Variants in PLCL2 observed in about 807,000 individuals in gnomAD.
The protein encoded by PLCL2 is inactive phospholipase C-like protein 2.
In PLCL2, 4 loss-of-function variants were observed where a neutral mutation model predicts 79.6. The observed-to-expected ratio is 0.05, with a 90% confidence interval of 0.02 to 0.11. The LOEUF (loss-of-function observed/expected upper bound fraction) is 0.11, where lower values mean the gene tolerates loss of function less well. Among genes scored for constraint, PLCL2 ranks in the 10% least tolerant of loss-of-function variants. The pLI, the probability that PLCL2 is intolerant of heterozygous loss-of-function variation, is 1.00. For missense variants in PLCL2, 895 were observed against 1,291.0 expected, an observed-to-expected ratio of 0.69 and a Z score of 4.70; for synonymous variants, 484 against 457.7, an observed-to-expected ratio of 1.06 and a Z score of -0.73.
chr3:16,946,266 C>T (rs897447354), intron 1 of PLCL2, among the ~76,000 whole-genome samples: 1 of 152,118 alleles, frequency 6.6e-6, no homozygotes, highest in Non-Finnish European at 1.5e-5. Flanking sequence ...TGTTCACCAG[C>T]TTTCCCAGTG....
rs144033958 is a variant in PLCL2, at chr3:16,887,310, C to T, written c.327+1944C>T. ...CAGTGTAACCCTAGATATAAAGTGC[C>T]AGGAATGTAGTAGCAGCTCAATAAA... is the stretch of plus-strand genomic sequence containing the variant. On this transcript the variant is annotated intron_variant, in intron 1 of 5. Coordinates refer to ENST00000615277, the MANE Select transcript of PLCL2 (RefSeq NM_001144382.2). The surrounding 1 kb of genome is among the most constrained non-coding windows in gnomAD (Gnocchi z 4.1). Among the ~76,000 whole-genome samples, 221 of 152,222 alleles carry T rather than the reference C, an allele frequency of 1.5e-3. 2 individuals carry two copies. Among genetic ancestry groups the T allele is most frequent in the African/African-American group, 5.2e-3 (216 of 41,530 alleles).
rs572799899 is a variant in PLCL2 at position 17,055,507 on chromosome 3, C to A, written c.3095-12449C>A. ...CACCACACCTCAACCGTCCCTGTAA[C>A]CTTCACCCTAATTCTGCTCTAAGAT... On this transcript the variant is annotated intron_variant, in intron 4 of 5. Transcript: ENST00000615277. 9.9e-5 allele frequency among the ~76,000 whole-genome samples: 15 copies of A among 152,278 alleles called. No individual in the cohort carries two copies. The East Asian group carries it at 1.3e-3, about 14-fold the overall frequency.
intron 1 of PLCL2, among the ~76,000 whole-genome samples, chr3:17,000,886 A>G (rs2064203164): frequency 6.6e-6 from 1 of 152,130 alleles, no homozygotes; most frequent in African/African-American, 2.4e-5. Context: ...ATAAACATGG[A>G]TGTGCCGGTA....
intron 1 of PLCL2, among the ~76,000 whole-genome samples, chr3:16,961,661 G>A (rs755525958): frequency 2.6e-5 from 4 of 152,182 alleles, no homozygotes; most frequent in Non-Finnish European, 5.9e-5. Flanking sequence ...CAACCAGAAT[G>A]GGACGCAGAA....
At chr3:16,978,593 C>T (rs2063949332) in intron 1 of PLCL2, among the ~76,000 whole-genome samples, 1 of 152,190 alleles carries the variant, frequency 6.6e-6, no homozygotes, top group Non-Finnish European at 1.5e-5. Context: ...GATATCACCA[C>T]TGAAAGGGAG....
At chr3:16,963,551 T>G (rs1383224026) in intron 1 of PLCL2, among the ~76,000 whole-genome samples, 2 of 152,314 alleles carry the variant, frequency 1.3e-5, no homozygotes, top group South Asian at 2.1e-4. Context: ...TTTATGACTT[T>G]AGATTAAAAT....
intron 3 of PLCL2, among the ~76,000 whole-genome samples, chr3:17,015,744 G>A (rs116383173): frequency 3.5e-3 from 530 of 152,276 alleles, no homozygotes; most frequent in Non-Finnish European, 6.4e-3. Context: ...CTAAGACCAC[G>A]AAACTCTAGG....
intron 1 of PLCL2, among the ~76,000 whole-genome samples, chr3:16,922,743 AT>A (rs946486115): frequency 8.1e-5 from 12 of 147,454 alleles, no homozygotes; most frequent in Non-Finnish European, 1.8e-4. Flanking sequence ...TTAAGAAAAA[AT>A]ATATTAAGAA....
chr3:16,979,360 A>AAATTG (rs2063957538), intron 1 of PLCL2, among the ~76,000 whole-genome samples: 1 of 139,314 alleles, frequency 7.2e-6, no homozygotes, highest in South Asian at 2.3e-4. Flanking sequence ...TTTTTTTTTT[A>AAATTG]ATCATTCTTG....
chr3:16,967,911 C>A (rs1377590209), intron 1 of PLCL2, among the ~76,000 whole-genome samples: 2 of 152,070 alleles, frequency 1.3e-5, no homozygotes, highest in Admixed American at 6.6e-5. Flanking sequence ...ACATTTAAGT[C>A]TTTAGTCCAT....
chr3:17,055,614 C>T (rs996983323), intron 4 of PLCL2, among the ~76,000 whole-genome samples: 1 of 152,152 alleles, frequency 6.6e-6, no homozygotes, highest in Non-Finnish European at 1.5e-5. Flanking sequence ...ATTTTTCATA[C>T]GTGTGATCAG....
chr3:17,061,359 A>T (rs2064951987), intron 4 of PLCL2, among the ~76,000 whole-genome samples: 1 of 152,190 alleles, frequency 6.6e-6, no homozygotes, highest in Non-Finnish European at 1.5e-5. Context: ...GGAAGCAGAA[A>T]ACTTGATAGA....
At position 16,926,614 on chromosome 3, in the gene PLCL2, A is replaced by G. The variant is rs976168899; in HGVS notation, c.327+41248A>G. Among the ~76,000 whole-genome samples, 5 of 152,254 alleles carry G rather than the reference A, an allele frequency of 3.3e-5. No individual in the cohort carries two copies. In the East Asian group the frequency reaches 9.7e-4, roughly 29 times the overall value. On this transcript the variant is annotated intron_variant, in intron 1 of 5. Transcript: ENST00000615277. ...AGTGATCAGATTTTTCATCTAGCAA[A>G]CAAAATCATTTATAATCAAAACCTT...
At chr3:16,990,011 C>T (rs1038654211) in intron 1 of PLCL2, among the ~76,000 whole-genome samples, 4 of 152,022 alleles carry the variant, frequency 2.6e-5, no homozygotes, top group Non-Finnish European at 4.4e-5. Flanking sequence ...GTCAAGGAAG[C>T]GTATCTGAGA....
At chr3:17,084,687 G>C (rs1450389457) in intron 5 of PLCL2, among the ~76,000 whole-genome samples, 1 of 152,176 alleles carries the variant, frequency 6.6e-6, no homozygotes, top group Non-Finnish European at 1.5e-5. Flanking sequence ...GCTCGTGGTT[G>C]TATCAGTAGA....
At position 17,065,123 on chromosome 3, in the gene PLCL2, A is replaced by G. The variant is rs146753490; in HGVS notation, c.3095-2833A>G. Among the ~76,000 whole-genome samples, 765 of 152,268 alleles carry G rather than the reference A, an allele frequency of 5.0e-3. 5 individuals carry two copies. Among genetic ancestry groups the G allele is most frequent in the African/African-American group, 0.017 (712 of 41,542 alleles). ...TGTTTTTAAAAAGAGCTTCACTAATAAAACATTTTGCATGTCCCTGTGAAC... is the reference window on the plus strand; with the variant it reads ...TGTTTTTAAAAAGAGCTTCACTAATGAAACATTTTGCATGTCCCTGTGAAC... On this transcript the variant is annotated intron_variant, in intron 4 of 5. Transcript: ENST00000615277.
chr3:16,916,854 C>T (rs761823975), intron 1 of PLCL2, among the ~76,000 whole-genome samples: 1 of 152,098 alleles, frequency 6.6e-6, no homozygotes, highest in Non-Finnish European at 1.5e-5. Flanking sequence ...ATATCTTTGG[C>T]TTCCTTCTCT....
chr3:16,974,993 T>A (rs1310044168), intron 1 of PLCL2, among the ~76,000 whole-genome samples: 2 of 152,188 alleles, frequency 1.3e-5, no homozygotes, highest in African/African-American at 4.8e-5. Flanking sequence ...TGGCCCTTTT[T>A]CCCAGTTACA....
chr3:17,012,769 A>G (rs1380882747), intron 2 of PLCL2, among the ~76,000 whole-genome samples: 1 of 152,206 alleles, frequency 6.6e-6, no homozygotes, highest in African/African-American at 2.4e-5. Flanking sequence ...GGAATTACAT[A>G]TTTAATTAAG....
Sources: allele counts gnomAD v4.1 joint callset (sites outside exome capture counted in the v4.1 genomes callset), GRCh38; gene constraint gnomAD v4.1.1; non-coding constraint Gnocchi (gnomAD v3.1); transcripts MANE v1.5; gene names NCBI Gene and HGNC (gene_info 2026-07-23, HGNC 2026-07-21).